Variants in RPS6KC1 observed in about 807,000 individuals in gnomAD.
RPS6KC1 encodes the protein inactive ribosomal protein S6 kinase delta-1.
A neutral mutation model predicts 103.8 loss-of-function variants in RPS6KC1; 54 were observed. The ratio of observed to expected loss-of-function variants is 0.52; its 90% CI spans 0.42 to 0.65. RPS6KC1 has a LOEUF of 0.65. Among genes scored for constraint, RPS6KC1 ranks in the 30% least tolerant of loss-of-function variants. The pLI is 0.00. For missense variants in RPS6KC1, 1,151 were observed against 1,253.8 expected, an observed-to-expected ratio of 0.92 and a Z score of 1.24; for synonymous variants, 439 against 438.7, an observed-to-expected ratio of 1.00 and a Z score of -0.01.
chr1:213,598,944 A>ACAAAAC, the RPS6KC1 span, among the ~76,000 whole-genome samples: 1 of 152,106 alleles, frequency 6.6e-6, no homozygotes, highest in East Asian at 1.9e-4. Flanking sequence ...CAAAACCAAA[A>ACAAAAC]AAACTGCATT....
chr1:213,488,563 G>A, the RPS6KC1 span, among the ~76,000 whole-genome samples: 2 of 152,130 alleles, frequency 1.3e-5, no homozygotes, highest in African/African-American at 4.8e-5. Context: ...ACTTTCACAA[G>A]AAAATAAAAG....
chr1:213,208,556 A>G (rs2093419021), intron 8 of RPS6KC1, among the ~76,000 whole-genome samples: 1 of 152,190 alleles, frequency 6.6e-6, no homozygotes, highest in African/African-American at 2.4e-5. Context: ...GGGAGATCAA[A>G]CAAATATCAG....
the RPS6KC1 span, among the ~76,000 whole-genome samples, chr1:213,753,687 C>T: frequency 6.6e-6 from 1 of 152,168 alleles, no homozygotes; most frequent in Admixed American, 6.5e-5. Context: ...GGACAGCATC[C>T]ATTTCCCTTT....
rs959443289 is a variant in RPS6KC1, at chr1:213,083,580, C to T, written c.262+5764C>T. ...CGACACCTGAAGAACCTCAGTCACA[C>T]GTGGATGTGACTTAGATGAGATTCT... On this transcript the variant is annotated intron_variant, in intron 3 of 14. Coordinates refer to ENST00000366960, the MANE Select transcript of RPS6KC1 (RefSeq NM_012424.6). Among the ~76,000 whole-genome samples the T allele has an allele frequency of 6.6e-5, 10 of 152,232 alleles. No individual in the cohort carries two copies. The East Asian group carries it at 1.3e-3, about 21-fold the overall frequency.
At chr1:213,476,250 C>T in the RPS6KC1 span, among the ~76,000 whole-genome samples, 1 of 152,156 alleles carries the variant, frequency 6.6e-6, no homozygotes, top group Non-Finnish European at 1.5e-5. Context: ...CCTGCTTGGT[C>T]ACATGACGTG....
rs543857678 is a variant in RPS6KC1 at position 213,244,874 on chromosome 1, A to C, written c.2911+2216A>C. Among the ~76,000 whole-genome samples, 30 of 152,266 alleles carry C rather than the reference A, an allele frequency of 2.0e-4. No homozygotes were observed. The South Asian group carries it at 6.2e-3, about 32-fold the overall frequency. On this transcript the variant is annotated intron_variant, in intron 12 of 14. Coordinates refer to ENST00000366960, the MANE Select transcript of RPS6KC1 (RefSeq NM_012424.6). The stretch of plus-strand genomic sequence containing the variant: ...TAGTCTGAAGAGGTGCTTTGTTGTC[A>C]TTATTTGCATAAAAGAATTGTACTT...
intron 8 of RPS6KC1, among the ~76,000 whole-genome samples, chr1:213,189,553 G>T (rs2092674942): frequency 6.6e-6 from 1 of 151,672 alleles, no homozygotes; most frequent in South Asian, 2.1e-4. Context: ...TGAATTTATG[G>T]GTTATATGAG....
the RPS6KC1 span, among the ~76,000 whole-genome samples, chr1:213,328,503 A>AAT: frequency 0.04 from 1,265 of 31,722 alleles, 52 homozygotes; most frequent in African/African-American, 0.078. Context: ...CAGCCATTAT[A>AAT]CTATATATAT....
chr1:213,652,775 C>T, the RPS6KC1 span, among the ~76,000 whole-genome samples: 1 of 152,188 alleles, frequency 6.6e-6, no homozygotes, highest in Non-Finnish European at 1.5e-5. Flanking sequence ...GCAGCCATCC[C>T]AGACCCTGCA....
the RPS6KC1 span, among the ~76,000 whole-genome samples, chr1:213,520,366 T>C: frequency 1.3e-5 from 2 of 152,238 alleles, no homozygotes; most frequent in Non-Finnish European, 2.9e-5. Flanking sequence ...ATGAGACTTA[T>C]TCACTACCAC....
At chr1:213,581,853 T>C in the RPS6KC1 span, among the ~76,000 whole-genome samples, 4 of 152,054 alleles carry the variant, frequency 2.6e-5, no homozygotes, top group Admixed American at 6.5e-5. Flanking sequence ...CTATTCCTTG[T>C]GCTTGAAGTG....
At chr1:213,734,517 G>A in the RPS6KC1 span, among the ~76,000 whole-genome samples, 1 of 152,256 alleles carries the variant, frequency 6.6e-6, no homozygotes, top group South Asian at 2.1e-4. Context: ...TTCACTGAGT[G>A]TGTGAGTGCA....
At chr1:213,811,813 G>T in the RPS6KC1 span, among the ~76,000 whole-genome samples, 2 of 152,196 alleles carry the variant, frequency 1.3e-5, no homozygotes, top group Non-Finnish European at 2.9e-5. Flanking sequence ...ACTTTAGACT[G>T]CTCTGTAGGA....
the RPS6KC1 span, among the ~76,000 whole-genome samples, chr1:213,292,262 T>A: frequency 2.0e-3 from 1 of 498 alleles, no homozygotes; most frequent in South Asian, 0.5. Context: ...ATAATAAAAT[T>A]AAATTAAATT....
the RPS6KC1 span, among the ~76,000 whole-genome samples, chr1:213,489,887 A>G: frequency 1.3e-5 from 2 of 152,208 alleles, no homozygotes; most frequent in African/African-American, 4.8e-5. Flanking sequence ...ATAAAGGTGG[A>G]GAAGGAGTTT....
chr1:213,834,890 C>G, the RPS6KC1 span, among the ~76,000 whole-genome samples: 3 of 152,290 alleles, frequency 2.0e-5, no homozygotes, highest in Non-Finnish European at 4.4e-5. Flanking sequence ...TTACGTAGGG[C>G]TGGGGAAATC....
intron 8 of RPS6KC1, among the ~76,000 whole-genome samples, chr1:213,196,255 T>C (rs1037714051): frequency 6.6e-6 from 1 of 152,238 alleles, no homozygotes; most frequent in Non-Finnish European, 1.5e-5. Context: ...TTTTTTCATA[T>C]GTTTGTTGGC....
At chr1:213,479,044 C>T in the RPS6KC1 span, among the ~76,000 whole-genome samples, 1 of 151,992 alleles carries the variant, frequency 6.6e-6, no homozygotes, top group Non-Finnish European at 1.5e-5. Context: ...TTCAAGACTT[C>T]ATTCTCTGTT....
chr1:213,157,215 ATT>A (rs566969624), intron 6 of RPS6KC1, among the ~76,000 whole-genome samples: 8 of 141,068 alleles, frequency 5.7e-5, no homozygotes, highest in African/African-American at 5.2e-5. Context: ...CCAATTTTTA[ATT>A]TTTTTTTTTT....
Sources: allele counts gnomAD v4.1 joint callset (sites outside exome capture counted in the v4.1 genomes callset), GRCh38; gene constraint gnomAD v4.1.1; transcripts MANE v1.5; gene names NCBI Gene and HGNC (gene_info 2026-07-23, HGNC 2026-07-21).